Variants in RNF19A observed in about 807,000 individuals in gnomAD.
RNF19A encodes the protein E3 ubiquitin-protein ligase RNF19A.
In RNF19A, 32 loss-of-function variants were observed where a neutral mutation model predicts 75.7. That is an observed-to-expected ratio of 0.42 (90% CI 0.32 to 0.57). The LOEUF (loss-of-function observed/expected upper bound fraction) is 0.57. Among genes scored for constraint, RNF19A ranks in the 20% least tolerant of loss-of-function variants. The pLI is 0.10. For synonymous variants in RNF19A, 335 were observed against 345.2 expected (o/e 0.97, Z 0.33); for missense variants, 782 against 1,036.3 (o/e 0.75, Z 3.37).
At chr8:100,298,082 T>C (rs1032185850) in intron 1 of RNF19A, among the ~76,000 whole-genome samples, 2 of 151,522 alleles carry the variant, frequency 1.3e-5, no homozygotes, top group Non-Finnish European at 2.9e-5. Flanking sequence ...TTAAATAAAA[T>C]AACACATCAA....
chr8:100,321,654 A>G (rs1472947468), intron 1 of RNF19A, among the ~76,000 whole-genome samples: 1 of 152,238 alleles, frequency 6.6e-6, no homozygotes, highest in Non-Finnish European at 1.5e-5. Flanking sequence ...CAGATCCATC[A>G]GAGGAATCAC....
Position 100,269,971 on chromosome 8 carries a change from A to G in RNF19A, c.926T>C (p.Ile309Thr), listed in dbSNP as rs1820175593. The G allele has an allele frequency of 2.2e-5, 36 of 1,609,448 alleles. No individual in the cohort carries two copies. Among genetic ancestry groups the G allele is most frequent in the Non-Finnish European group, 3.1e-5 (36 of 1,177,880 alleles). The change falls in exon 4 of 10, where the codon ATA (isoleucine) becomes ACA (threonine). Residue 309 changes from isoleucine (I) to threonine (T), a missense_variant. Around this residue, in one of 7 missense-constraint regions of RNF19A, gnomAD observed 31 missense variants for 48.8 expected, o/e 0.64. Coordinates refer to ENST00000341084, the MANE Select transcript of RNF19A (RefSeq NM_183419.4). This position sits in a 1 kb window ranked among gnomAD's most constrained non-coding sequence, Gnocchi z 5.7. ...KPCPRCAAYI[I>T]KMNDGSCNHM... ...ATTGCAGCTCCCATCATTCATCTTT[A>G]TTATATAAGCAGCACATCGTGGACA...
intron 1 of RNF19A, among the ~76,000 whole-genome samples, chr8:100,319,285 A>C (rs1484796806): frequency 6.7e-6 from 1 of 149,714 alleles, no homozygotes; most frequent in African/African-American, 2.4e-5. Flanking sequence ...CAAGAATATA[A>C]ATTTTTCTTA....
In RNF19A at chr8:100,257,930, T is replaced by C. The variant is rs1819530836; in HGVS notation, c.*626A>G. The C allele has an allele frequency of 1.0e-5, 4 of 398,440 alleles. No homozygotes were observed. The highest frequency in any genetic ancestry group is 6.2e-5 in the African/African-American group (3 of 48,602). The allele number at this position is 398,440 out of a possible 1,614,324, so 24.7% of individuals were successfully genotyped here. A position where few individuals can be genotyped will look rare whatever the true frequency, so the allele number is the denominator to read the frequency against. ...AAGATGGCATCAACAATAAACAAGATAGAGTACCAGGTATTTCTATTTCAA... is the reference window on the plus strand; with the variant it reads ...AAGATGGCATCAACAATAAACAAGACAGAGTACCAGGTATTTCTATTTCAA... On this transcript the variant is annotated 3_prime_UTR_variant, in exon 10 of 10. Transcript: ENST00000341084.
intron 1 of RNF19A, among the ~76,000 whole-genome samples, chr8:100,316,560 C>T (rs1439396230): frequency 2.0e-5 from 3 of 152,128 alleles, no homozygotes; most frequent in African/African-American, 4.8e-5. Flanking sequence ...CTCCAAGGCC[C>T]CACCAGAGCA....
At chr8:100,291,871 T>A (rs961770971) in intron 1 of RNF19A, among the ~76,000 whole-genome samples, 1 of 152,074 alleles carries the variant, frequency 6.6e-6, no homozygotes, top group Admixed American at 6.5e-5. Flanking sequence ...TTTAGATGTC[T>A]GACATCCAGA....
chr8:100,270,230 T>C (rs538964389), intron 3 of RNF19A, among the ~76,000 whole-genome samples: 3 of 152,172 alleles, frequency 2.0e-5, no homozygotes, highest in African/African-American at 7.2e-5. Context: ...TTTTAAAACA[T>C]AGTAGTAAAA....
chr8:100,308,314 T>C (rs1822140509), intron 1 of RNF19A, among the ~76,000 whole-genome samples: 1 of 152,202 alleles, frequency 6.6e-6, no homozygotes, highest in Non-Finnish European at 1.5e-5. Context: ...GGCATTAAAC[T>C]AACAAATTTT....
intron 1 of RNF19A, among the ~76,000 whole-genome samples, chr8:100,299,861 G>C (rs1311572490): frequency 6.6e-6 from 1 of 152,150 alleles, no homozygotes; most frequent in Non-Finnish European, 1.5e-5. Flanking sequence ...ATTGATAACA[G>C]TAGCATCCCA....
rs1187304011 is a variant in RNF19A, at chr8:100,308,970, C to T, written c.-94+897G>A. Reference sequence around the variant, plus strand: ...GGAAAAAATTAAACGTTTCTCTCTCCCATATATAGCCTTAACCACTCTCTT... The same window carrying T: ...GGAAAAAATTAAACGTTTCTCTCTCTCATATATAGCCTTAACCACTCTCTT... On this transcript the variant is annotated intron_variant, in intron 1 of 9. Transcript: ENST00000341084. Among the ~76,000 whole-genome samples the T allele has an allele frequency of 1.3e-5, 2 of 152,274 alleles. 1 individual carries two copies. Among genetic ancestry groups the T allele is most frequent in the Middle Eastern group, 6.8e-3 (2 of 294 alleles).
intron 1 of RNF19A, among the ~76,000 whole-genome samples, chr8:100,302,389 G>A (rs376994568): frequency 6.6e-6 from 1 of 152,132 alleles, no homozygotes; most frequent in Non-Finnish European, 1.5e-5. Flanking sequence ...TAATCAGAAG[G>A]CTGAAACTGC....
Position 100,258,459 on chromosome 8 carries a change from G to A in RNF19A, c.*97C>T. ...ATCTGCATTATGATAATGAAACCCGGCTTTTGCTGGTAACCTGAAACTTAA... is the reference window on the plus strand; with the variant it reads ...ATCTGCATTATGATAATGAAACCCGACTTTTGCTGGTAACCTGAAACTTAA... On this transcript the variant is annotated 3_prime_UTR_variant, in exon 10 of 10. Coordinates refer to ENST00000341084, the MANE Select transcript of RNF19A (RefSeq NM_183419.4). This position sits in a 1 kb window ranked among gnomAD's most constrained non-coding sequence, Gnocchi z 4.3. The A allele has an allele frequency of 1.0e-6, 1 of 977,284 alleles. No individual in the cohort carries two copies. The allele number at this position is 977,284 out of a possible 1,614,324, so 60.5% of individuals were successfully genotyped here.
intron 1 of RNF19A, among the ~76,000 whole-genome samples, chr8:100,328,882 G>A (rs981725047): frequency 6.6e-6 from 1 of 152,190 alleles, no homozygotes; most frequent in Non-Finnish European, 1.5e-5. Context: ...TAAACCAGGT[G>A]AGCAGGTCAT....
rs905442636 is a variant in RNF19A, at chr8:100,333,423, C to G, written c.-243+2685G>C. Reference sequence around the variant, plus strand: ...AAGGAAGTTCACATAGCTACAAAAACAAAGCTTAAAGCTATTAATGACAAG... The same window carrying G: ...AAGGAAGTTCACATAGCTACAAAAAGAAAGCTTAAAGCTATTAATGACAAG... On this transcript the variant is annotated intron_variant, in intron 1 of 3. Coordinates refer to the RNF19A transcript ENST00000519527. The surrounding 1 kb of genome is among the most constrained non-coding windows in gnomAD (Gnocchi z 4.7). Among the ~76,000 whole-genome samples the G allele has an allele frequency of 6.6e-6, 1 of 152,186 alleles. No individual in the cohort carries two copies. The highest frequency in any genetic ancestry group is 1.5e-5 in the Non-Finnish European group (1 of 68,026).
chr8:100,308,676 G>A (rs550205954), intron 1 of RNF19A, among the ~76,000 whole-genome samples: 60 of 141,208 alleles, frequency 4.2e-4, no homozygotes, highest in African/African-American at 1.5e-3. Flanking sequence ...AAAATGAAAA[G>A]AACCATGTTC....
chr8:100,305,724 A>G (rs1788166), intron 1 of RNF19A, among the ~76,000 whole-genome samples: 106,942 of 152,106 alleles, frequency 0.7, 38,902 homozygotes, highest in African/African-American at 0.91. Context: ...GCTAAGACTT[A>G]AAGAGTGAAC....
At position 100,259,370 on chromosome 8, in the gene RNF19A, G is replaced by T. The variant is rs549710192; in HGVS notation, c.1827-124C>A. ...TAAGCTATGAGAACACCTTAACGCA[G>T]AACACGTTCTACTTAAAAAACATAC... On this transcript the variant is annotated intron_variant, in intron 9 of 9. Coordinates refer to ENST00000341084, the MANE Select transcript of RNF19A (RefSeq NM_183419.4). The surrounding 1 kb of genome is among the most constrained non-coding windows in gnomAD (Gnocchi z 4.5). 2 of 699,258 alleles carry T rather than the reference G, an allele frequency of 2.9e-6. No homozygotes were observed. Among genetic ancestry groups the T allele is most frequent in the African/African-American group, 1.8e-5 (1 of 56,334 alleles). The allele number at this position is 699,258 out of a possible 1,614,324, so 43.3% of individuals were successfully genotyped here. A position where few individuals can be genotyped will look rare whatever the true frequency, so the allele number is the denominator to read the frequency against.
At position 100,257,445 on chromosome 8, in the gene RNF19A, ACAAAAG is replaced by A. The variant is rs1157908600; in HGVS notation, c.*1105_*1110del. The A allele has an allele frequency of 6.5e-6, 1 of 152,672 alleles. No individual in the cohort carries two copies. Among genetic ancestry groups the A allele is most frequent in the Non-Finnish European group, 1.5e-5 (1 of 68,038 alleles). 9.5% of individuals were successfully genotyped at this position (152,672 alleles called of 1,614,324 possible). Reference sequence around the variant, plus strand: ...TATGTCAGCTGAACATTGTCCATAAACAAAAGCAAAAGAAAATAATGCTAATCATAC... The same window carrying A: ...TATGTCAGCTGAACATTGTCCATAAACAAAAGAAAATAATGCTAATCATAC... On this transcript the variant is annotated 3_prime_UTR_variant, in exon 10 of 10. Coordinates refer to ENST00000341084, the MANE Select transcript of RNF19A (RefSeq NM_183419.4).
chr8:100,291,967 C>CTT lies in RNF19A; in HGVS notation c.-93-3702_-93-3701dup, dbSNP rs56737985. ...CTGTTGAACAGAAAGAGGACTAAGT[C>CTT]TTTTTTTTTTTTTTTTTTTTTTCAA... On this transcript the variant is annotated intron_variant, in intron 1 of 9. Coordinates refer to ENST00000341084, the MANE Select transcript of RNF19A (RefSeq NM_183419.4). 3.3e-3 allele frequency among the ~76,000 whole-genome samples: 325 copies of CTT among 99,906 alleles called. 4 individuals are homozygous for CTT. Among genetic ancestry groups the CTT allele is most frequent in the Middle Eastern group, 6.6e-3 (1 of 152 alleles). 65.5% of individuals were successfully genotyped at this position (99,906 alleles called of 152,430 possible).
Sources: gnomAD v4.1 joint callset for allele counts (sites outside exome capture counted in the v4.1 genomes callset) on GRCh38, gnomAD v4.1.1 for gene constraint, gnomAD v4.1.1 regional missense constraint, Gnocchi (gnomAD v3.1) non-coding constraint, MANE v1.5 for transcripts, NCBI Gene and HGNC (gene_info 2026-07-23, HGNC 2026-07-21) for gene names.